PABPC4L: variants seen among roughly 807,000 people sequenced by gnomAD.
The protein encoded by PABPC4L is polyadenylate-binding protein 4-like.
For synonymous variants in PABPC4L, 169 were observed against 164.1 expected, an observed-to-expected ratio of 1.03 and a Z score of -0.23; for missense variants, 452 against 451.4, an observed-to-expected ratio of 1.00 and a Z score of -0.01.
chr4:134,011,412 C>T, the PABPC4L span, among the ~76,000 whole-genome samples: 1 of 151,964 alleles, frequency 6.6e-6, no homozygotes, highest in Non-Finnish European at 1.5e-5. Flanking sequence ...GGAATATATT[C>T]TTGAAACATT....
the PABPC4L span, among the ~76,000 whole-genome samples, chr4:134,048,900 A>C: frequency 6.6e-6 from 1 of 152,038 alleles, no homozygotes; most frequent in African/African-American, 2.4e-5. Context: ...CTAAATTTTA[A>C]AGTTTGTCTT....
chr4:133,958,102 A>C, the PABPC4L span, among the ~76,000 whole-genome samples: 1 of 152,228 alleles, frequency 6.6e-6, no homozygotes, highest in Non-Finnish European at 1.5e-5. Flanking sequence ...TCAGAAAATA[A>C]GTTTTCCTTT....
At chr4:134,178,036 A>G in the PABPC4L span, among the ~76,000 whole-genome samples, 1 of 152,068 alleles carries the variant, frequency 6.6e-6, no homozygotes, top group Non-Finnish European at 1.5e-5. Context: ...TATTTCTGGT[A>G]GCCAGGAAAG....
the PABPC4L span, among the ~76,000 whole-genome samples, chr4:134,162,118 A>G: frequency 6.6e-6 from 1 of 152,096 alleles, no homozygotes; most frequent in African/African-American, 2.4e-5. Context: ...AAATACTACC[A>G]GAGAAAATAA....
At chr4:134,142,666 C>G in the PABPC4L span, among the ~76,000 whole-genome samples, 1 of 151,306 alleles carries the variant, frequency 6.6e-6, no homozygotes, top group Non-Finnish European at 1.5e-5. Flanking sequence ...AAAATACTGC[C>G]TGCCAAATGA....
the PABPC4L span, among the ~76,000 whole-genome samples, chr4:134,029,023 A>C: frequency 6.6e-6 from 1 of 152,144 alleles, no homozygotes; most frequent in African/African-American, 2.4e-5. Flanking sequence ...ATACTTTGGA[A>C]GGCTTTTTAT....
the PABPC4L span, among the ~76,000 whole-genome samples, chr4:134,037,295 T>A: frequency 6.6e-6 from 1 of 152,062 alleles, no homozygotes; most frequent in Non-Finnish European, 1.5e-5. Flanking sequence ...GTATTTTCAT[T>A]TGGTTGTGGT....
chr4:133,978,637 T>G, the PABPC4L span, among the ~76,000 whole-genome samples: 10 of 152,078 alleles, frequency 6.6e-5, no homozygotes, highest in African/African-American at 2.2e-4. Context: ...TCTTCAGCCT[T>G]GCTCACATGT....
the PABPC4L span, among the ~76,000 whole-genome samples, chr4:134,133,177 T>C: frequency 7.6e-6 from 1 of 131,154 alleles, no homozygotes; most frequent in African/African-American, 3.0e-5. Context: ...CATATATGAT[T>C]ATATGTAAAG....
At chr4:133,996,670 A>AG in the PABPC4L span, among the ~76,000 whole-genome samples, 1 of 152,296 alleles carries the variant, frequency 6.6e-6, no homozygotes, top group South Asian at 2.1e-4. Flanking sequence ...TCTGTCCTGC[A>AG]GACTCTGGCT....
the PABPC4L span, among the ~76,000 whole-genome samples, chr4:134,022,939 T>C: frequency 6.6e-6 from 1 of 151,968 alleles, no homozygotes; most frequent in South Asian, 2.1e-4. Context: ...TTAATTAATA[T>C]CAGGATTAAT....
chr4:134,154,836 G>T, the PABPC4L span, among the ~76,000 whole-genome samples: 1 of 151,532 alleles, frequency 6.6e-6, no homozygotes, highest in Non-Finnish European at 1.5e-5. Context: ...TTTAAACTTC[G>T]CATTTAATCT....
the PABPC4L span, among the ~76,000 whole-genome samples, chr4:134,136,846 A>G: frequency 2.0e-5 from 3 of 152,032 alleles, no homozygotes; most frequent in Non-Finnish European, 4.4e-5. Flanking sequence ...TGCTCTGACT[A>G]TGTAAGAATT....
chr4:134,178,747 AAC>A, the PABPC4L span, among the ~76,000 whole-genome samples: 1 of 152,176 alleles, frequency 6.6e-6, no homozygotes, highest in African/African-American at 2.4e-5. Context: ...AATTTTATAA[AAC>A]AGTCTCAAGT....
chr4:134,011,486 AT>A, the PABPC4L span, among the ~76,000 whole-genome samples: 2 of 152,164 alleles, frequency 1.3e-5, no homozygotes, highest in Non-Finnish European at 2.9e-5. Context: ...TTAGAGAAAA[AT>A]AATCTCAACA....
chr4:133,961,598 C>T, the PABPC4L span, among the ~76,000 whole-genome samples: 231 of 152,268 alleles, frequency 1.5e-3, 5 homozygotes, highest in Admixed American at 0.013. Flanking sequence ...GCAATGGCAA[C>T]GCCCTTTGGG....
chr4:134,158,965 A>T, the PABPC4L span, among the ~76,000 whole-genome samples: 2 of 152,200 alleles, frequency 1.3e-5, no homozygotes, highest in African/African-American at 4.8e-5. Context: ...TTGTAACACA[A>T]TGATCAGTAT....
chr4:134,051,419 A>T, the PABPC4L span, among the ~76,000 whole-genome samples: 1 of 152,124 alleles, frequency 6.6e-6, no homozygotes, highest in Admixed American at 6.6e-5. Context: ...TAATGCTTAG[A>T]TTTTAACTCC....
At chr4:134,072,807 G>A in the PABPC4L span, among the ~76,000 whole-genome samples, 1 of 152,198 alleles carries the variant, frequency 6.6e-6, no homozygotes, top group East Asian at 1.9e-4. Flanking sequence ...TTTTCACATG[G>A]TAGCAGAAGA....
Sources: gnomAD v4.1 joint callset for allele counts (sites outside exome capture counted in the v4.1 genomes callset) on GRCh38, gnomAD v4.1.1 for gene constraint, MANE v1.5 for transcripts, NCBI Gene and HGNC (gene_info 2026-07-23, HGNC 2026-07-21) for gene names.